Variants in URI1 observed in about 807,000 individuals in gnomAD.
URI1 encodes the protein URI1 prefoldin like chaperone, also known as unconventional prefoldin RPB5 interactor 1.
A neutral mutation model predicts 60.2 loss-of-function variants in URI1; 39 were observed. The observed-to-expected ratio is 0.65, with a 90% CI of 0.50 to 0.85. The LOEUF (loss-of-function observed/expected upper bound fraction) is 0.85, where lower values mean the gene tolerates loss of function less well. Among genes scored for constraint, URI1 ranks in the 40% least tolerant of loss-of-function variants. URI1 has a pLI of 0.00. For synonymous variants in URI1, 251 were observed against 236.8 expected, an observed-to-expected ratio of 1.06 and a Z score of -0.55; for missense variants, 691 against 665.9, an observed-to-expected ratio of 1.04 and a Z score of -0.42.
intron 1 of URI1, among the ~76,000 whole-genome samples, chr19:29,942,916 G>A (rs1277017722): frequency 2.0e-5 from 3 of 152,178 alleles, no homozygotes; most frequent in African/African-American, 7.2e-5. Flanking sequence ...CAGCGCGTGG[G>A]AATTTGGGGG....
chr19:29,977,558 CTTTTTTTTTTT>C (rs749382980), intron 2 of URI1, among the ~76,000 whole-genome samples: 2 of 112,594 alleles, frequency 1.8e-5, no homozygotes, highest in South Asian at 5.8e-4. Flanking sequence ...GTTATTTTTT[CTTTTTTTTTTT>C]TTTTTTCCCT....
At chr19:29,962,130 C>T (rs2055333687) in intron 1 of URI1, among the ~76,000 whole-genome samples, 1 of 152,284 alleles carries the variant, frequency 6.6e-6, no homozygotes, top group Admixed American at 6.5e-5. Flanking sequence ...GGGTTCCAGT[C>T]CACATACTGG....
At chr19:29,972,273 C>T (rs753990534) in intron 2 of URI1, among the ~76,000 whole-genome samples, 4 of 151,990 alleles carry the variant, frequency 2.6e-5, no homozygotes, top group African/African-American at 4.8e-5. Context: ...CATTAATTTT[C>T]AATAAATGCA....
chr19:29,947,272 G>A (rs1394809051), intron 1 of URI1, among the ~76,000 whole-genome samples: 3 of 152,182 alleles, frequency 2.0e-5, no homozygotes, highest in Non-Finnish European at 4.4e-5. Flanking sequence ...ATGGACGGAT[G>A]GAATTACATT....
At chr19:29,980,814 C>T (rs968721028) in intron 2 of URI1, among the ~76,000 whole-genome samples, 5 of 149,362 alleles carry the variant, frequency 3.3e-5, no homozygotes, top group Non-Finnish European at 7.4e-5. Flanking sequence ...CTCAGCTACT[C>T]AGGAGGCTGA....
chr19:29,936,163 G>C (rs1456854892), intron 1 of URI1, among the ~76,000 whole-genome samples: 1 of 151,970 alleles, frequency 6.6e-6, no homozygotes, highest in Non-Finnish European at 1.5e-5. Flanking sequence ...GAGTGCAGTG[G>C]TGCAATCTTG....
chr19:29,939,244 T>C (rs1390884670), upstream of URI1, among the ~76,000 whole-genome samples: 2 of 151,972 alleles, frequency 1.3e-5, no homozygotes. Flanking sequence ...CCCAAAGTGC[T>C]GGGATTACAG....
chr19:30,000,263 G>T (rs1469552101), intron 4 of URI1, among the ~76,000 whole-genome samples: 1 of 151,774 alleles, frequency 6.6e-6, no homozygotes, highest in Non-Finnish European at 1.5e-5. Context: ...TTTTACTGCT[G>T]GAGTCTTTCA....
chr19:29,935,763 CTTT>C (rs1352756550), intron 1 of URI1, among the ~76,000 whole-genome samples: 1 of 3,860 alleles, frequency 2.6e-4, no homozygotes, highest in Admixed American at 2.0e-3. Flanking sequence ...CCTCTGGTTC[CTTT>C]TCTTTTCTTT....
intron 2 of URI1, among the ~76,000 whole-genome samples, chr19:29,977,558 C>CTTTT (rs749382980): frequency 8.9e-6 from 1 of 112,588 alleles, no homozygotes. Flanking sequence ...GTTATTTTTT[C>CTTTT]TTTTTTTTTT....
intron 1 of URI1, among the ~76,000 whole-genome samples, chr19:29,957,242 T>A (rs916936043): frequency 2.8e-5 from 4 of 140,474 alleles, no homozygotes; most frequent in East Asian, 2.1e-4. Context: ...ATGCAATATG[T>A]CAATCAAATG....
chr19:29,980,509 A>G (rs2055579362), intron 2 of URI1: 1 of 150,404 alleles, frequency 6.6e-6, no homozygotes. Flanking sequence ...ACTTATATAG[A>G]AATTTTTTTC....
At chr19:29,981,109 A>T (rs1599697848) in intron 2 of URI1, among the ~76,000 whole-genome samples, 1 of 150,914 alleles carries the variant, frequency 6.6e-6, no homozygotes, top group Non-Finnish European at 1.5e-5. Context: ...TTTTTTTAAT[A>T]GAGATTTTTA....
At chr19:30,001,046 C>CT (rs1185509671) in intron 4 of URI1, among the ~76,000 whole-genome samples, 5 of 151,468 alleles carry the variant, frequency 3.3e-5, no homozygotes, top group African/African-American at 9.7e-5. Context: ...GATGGAGGGT[C>CT]TTTTTTTAAG....
intron 1 of URI1, among the ~76,000 whole-genome samples, chr19:29,948,984 CGGGGCGGCTGGCCAGGCG>C (rs2055138351): frequency 6.7e-6 from 1 of 149,076 alleles, no homozygotes; most frequent in African/African-American, 2.5e-5. Context: ...ACCTCCCGGA[CGGGGCGGCTGGCCAGGCG>C]GGGGCTGCCC....
In URI1 at chr19:30,016,323, A is replaced by T. The variant is rs1203222608; in HGVS notation, c.*1254A>T. On this transcript the variant is annotated 3_prime_UTR_variant, in exon 11 of 11. Transcript: ENST00000392271. Reference sequence around the variant, plus strand: ...AGTTAATGGATAATTCAAACCGAGGACTGATTTTGAAAGATCACCTAAAAA... The same window carrying T: ...AGTTAATGGATAATTCAAACCGAGGTCTGATTTTGAAAGATCACCTAAAAA... 1 of 152,126 alleles carries T rather than the reference A, an allele frequency of 6.6e-6. No individual in the cohort carries two copies. The highest frequency in any genetic ancestry group is 1.9e-4 in the East Asian group (1 of 5,206). 9.4% of individuals were successfully genotyped at this position (152,126 alleles called of 1,614,324 possible). A position where few individuals can be genotyped will look rare whatever the true frequency, so the allele number is the denominator to read the frequency against.
intron 1 of URI1, among the ~76,000 whole-genome samples, chr19:29,960,724 TTAGAG>T (rs1408009765): frequency 6.6e-6 from 1 of 152,174 alleles, no homozygotes; most frequent in Non-Finnish European, 1.5e-5. Flanking sequence ...TTCCTTTTAT[TTAGAG>T]TATTTTAAGC....
Position 29,935,700 on chromosome 19 carries a change from C to CTTTTTTTTTTT in URI1, c.63+11950_63+11960dup, listed in dbSNP as rs34820413. On this transcript the variant is annotated intron_variant, in intron 1 of 10. Transcript: ENST00000360605. ...TGGTAGGAAATTCTTGGTTGACAGT[C>CTTTTTTTTTTT]TTTTTTTTTTTTTTCCCCAGGACTT... is the stretch of plus-strand genomic sequence containing the variant. Among the ~76,000 whole-genome samples, 17 of 131,866 alleles carry CTTTTTTTTTTT rather than the reference C, an allele frequency of 1.3e-4. 1 individual carries two copies. The highest frequency in any genetic ancestry group is 1.0e-3 in the South Asian group (4 of 3,838). The allele number at this position is 131,866 out of a possible 152,430, so 86.5% of individuals were successfully genotyped here.
intron 2 of URI1, among the ~76,000 whole-genome samples, chr19:29,973,086 A>G (rs1264721319): frequency 1.3e-5 from 2 of 152,150 alleles, no homozygotes; most frequent in African/African-American, 4.8e-5. Context: ...CAAAAAATTG[A>G]AACCAAAGTG....
Sources: allele counts gnomAD v4.1 joint callset (sites outside exome capture counted in the v4.1 genomes callset), GRCh38; gene constraint gnomAD v4.1.1; transcripts MANE v1.5; gene names NCBI Gene and HGNC (gene_info 2026-07-23, HGNC 2026-07-21).